CCDC13: variants seen among roughly 807,000 people sequenced by gnomAD.
CCDC13 encodes the protein coiled-coil domain-containing protein 13.
Under a neutral mutation model 87.3 loss-of-function variants are expected in CCDC13, and 70 were observed. The observed-to-expected ratio is 0.80, with a 90% CI of 0.66 to 0.98. CCDC13 has a LOEUF of 0.98. Among genes scored for constraint, CCDC13 ranks in the 50% least tolerant of loss-of-function variants. The probability of loss-of-function intolerance (pLI) is 0.00; values close to 1 mark genes in which losing one functional copy is unlikely to be tolerated. For synonymous variants in CCDC13, 317 were observed against 360.3 expected (o/e 0.88, Z 1.36); for missense variants, 842 against 892.0 (o/e 0.94, Z 0.71).
At chr3:42,753,197 CT>C (rs1240740486) in intron 3 of CCDC13, among the ~76,000 whole-genome samples, 9 of 152,198 alleles carry the variant, frequency 5.9e-5, no homozygotes, top group Non-Finnish European at 1.2e-4. Context: ...GTTAAATTCG[CT>C]GTGTTTGCTT....
At chr3:42,751,544 G>A (rs1699578842) in intron 5 of CCDC13, among the ~76,000 whole-genome samples, 1 of 152,230 alleles carries the variant, frequency 6.6e-6, no homozygotes, top group African/African-American at 2.4e-5. Context: ...GTAAGGTGGA[G>A]TCTGGATGTG....
intron 3 of CCDC13, among the ~76,000 whole-genome samples, chr3:42,755,933 CA>C (rs138377288): frequency 0.011 from 1,619 of 152,336 alleles, 26 homozygotes; most frequent in African/African-American, 0.036. Context: ...GCCCCTTCCA[CA>C]GCTGAATCTG....
intron 12 of CCDC13, among the ~76,000 whole-genome samples, chr3:42,731,244 T>A (rs1476185770): frequency 2.6e-5 from 4 of 151,586 alleles, no homozygotes; most frequent in African/African-American, 9.7e-5. Flanking sequence ...TGAGCTTACT[T>A]TTCTAGCAGT....
intron 1 of CCDC13, among the ~76,000 whole-genome samples, chr3:42,767,956 A>G (rs1699966651): frequency 1.3e-5 from 2 of 151,898 alleles, no homozygotes; most frequent in Non-Finnish European, 2.9e-5. Context: ...CCTGGCCAAC[A>G]GGAGCAAAAC....
At chr3:42,727,197 C>A (rs971000966) in intron 13 of CCDC13, among the ~76,000 whole-genome samples, 2 of 151,978 alleles carry the variant, frequency 1.3e-5, no homozygotes, top group African/African-American at 4.8e-5. Context: ...CATGGTGAAA[C>A]CCCATCTCTA....
chr3:42,739,362 T>A (rs574122800), intron 9 of CCDC13, among the ~76,000 whole-genome samples: 3 of 152,314 alleles, frequency 2.0e-5, no homozygotes, highest in East Asian at 3.9e-4. Context: ...CTTCCCCCAA[T>A]ACATTTCTGT....
At position 42,733,515 on chromosome 3, in the gene CCDC13, G is replaced by A. The variant is rs1698898089; in HGVS notation, c.1466C>T (p.Ser489Phe). ...AACATGATCGCCTGCTGAGGCCGGG[G>A]ACTTGGTCAGGCCTGGGTCCTCCAG... ...QFLEDPGLTKSPASAGDHVGR... is the reference protein window; with the variant it reads ...QFLEDPGLTKFPASAGDHVGR... The change falls in exon 11 of 16, where the codon TCC becomes TTC. Residue 489 changes from serine to phenylalanine, a missense_variant. Coordinates refer to ENST00000310232, the MANE Select transcript of CCDC13 (RefSeq NM_144719.4). The A allele has an allele frequency of 1.9e-6, 3 of 1,614,126 alleles. No homozygotes were observed. The highest frequency in any genetic ancestry group is 2.5e-6 in the Non-Finnish European group (3 of 1,180,024).
At chr3:42,765,568 G>A (rs757954300) in intron 1 of CCDC13, among the ~76,000 whole-genome samples, 2 of 152,170 alleles carry the variant, frequency 1.3e-5, no homozygotes, top group Admixed American at 6.5e-5. Flanking sequence ...ACTACGCCCA[G>A]CTAACATTTT....
At chr3:42,736,667 G>C (rs747879046) in intron 9 of CCDC13, among the ~76,000 whole-genome samples, 5 of 152,150 alleles carry the variant, frequency 3.3e-5, no homozygotes, top group Non-Finnish European at 4.4e-5. Flanking sequence ...GGCAGGCCTA[G>C]ATTTCTGGTC....
intron 1 of CCDC13, among the ~76,000 whole-genome samples, chr3:42,763,233 C>T (rs546357539): frequency 5.9e-5 from 9 of 152,292 alleles, no homozygotes; most frequent in East Asian, 1.9e-4. Flanking sequence ...GTGACTGGTA[C>T]AAGAGTAGAT....
chr3:42,735,218 G>A (rs1181657589), intron 10 of CCDC13, among the ~76,000 whole-genome samples: 1 of 152,178 alleles, frequency 6.6e-6, no homozygotes, highest in African/African-American at 2.4e-5. Flanking sequence ...CACGCTGCGC[G>A]TAGCCCTGGA....
rs556516635 is a variant in CCDC13 at position 42,739,179 on chromosome 3, T to A, written c.1164+455A>T. 7.2e-5 allele frequency among the ~76,000 whole-genome samples: 11 copies of A among 152,324 alleles called. No individual in the cohort carries two copies. In the South Asian group the frequency reaches 2.3e-3, roughly 32 times the overall value. ...ATGAATTTGAGTCTTAGTTTCCCCA[T>A]CTGTGAAGTGGGATTAAAATATATG... On this transcript the variant is annotated intron_variant, in intron 9 of 15. Transcript: ENST00000310232.
At chr3:42,727,747 C>A (rs1371794127) in intron 13 of CCDC13, among the ~76,000 whole-genome samples, 1 of 152,124 alleles carries the variant, frequency 6.6e-6, no homozygotes, top group Non-Finnish European at 1.5e-5. Flanking sequence ...AACCAACTAA[C>A]TTTAGATTGC....
intron 13 of CCDC13, among the ~76,000 whole-genome samples, chr3:42,716,259 G>T (rs1698428518): frequency 6.6e-6 from 1 of 151,774 alleles, no homozygotes. Context: ...AAAAAATCAG[G>T]TCAAGCCAGG....
intron 1 of CCDC13, among the ~76,000 whole-genome samples, chr3:42,762,794 A>C (rs951509175): frequency 7.2e-5 from 11 of 152,160 alleles, no homozygotes; most frequent in African/African-American, 2.4e-4. Context: ...GTTAAAAGAT[A>C]AACGTTAGGC....
At chr3:42,720,324 G>A (rs565029322) in intron 13 of CCDC13, among the ~76,000 whole-genome samples, 8 of 152,292 alleles carry the variant, frequency 5.3e-5, no homozygotes, top group Admixed American at 3.3e-4. Flanking sequence ...TAAATGCCTC[G>A]TAAAATGCCA....
At position 42,709,283 on chromosome 3, in the gene CCDC13, C is replaced by T. The variant is rs964002364; in HGVS notation, c.1989-144G>A. The T allele has an allele frequency of 2.9e-5, 23 of 795,038 alleles. No individual in the cohort carries two copies. The Middle Eastern group carries it at 1.4e-3, about 48-fold the overall frequency. The allele number at this position is 795,038 out of a possible 1,614,324, so 49.2% of individuals were successfully genotyped here. On this transcript the variant is annotated intron_variant, in intron 15 of 15. Coordinates refer to ENST00000310232, the MANE Select transcript of CCDC13 (RefSeq NM_144719.4). ...CTGACCCATCCCCTCCTCTCACTGA[C>T]TCTTGTGGGTACCATGGATTCCTCT...
At chr3:42,752,282 G>A (rs1699604342) in intron 4 of CCDC13, among the ~76,000 whole-genome samples, 1 of 152,010 alleles carries the variant, frequency 6.6e-6, no homozygotes, top group South Asian at 2.1e-4. Flanking sequence ...AATAATAATG[G>A]TACACTTATA....
Position 42,730,549 on chromosome 3 carries a change from C to T in CCDC13, c.1636G>A (p.Val546Met). 7 of 1,614,162 alleles carry T rather than the reference C, an allele frequency of 4.3e-6. No individual in the cohort carries two copies. Among genetic ancestry groups the T allele is most frequent in the Non-Finnish European group, 5.9e-6 (7 of 1,180,020 alleles). ...SPEQKGWQAQ[V>M]SEIKALWQAA... ...TGCCAGAGGGCCTTGATCTCTGACA[C>T]TTGTGCCTGCCAGCCTTTTTGTTCT... The change falls in exon 13 of 16, where the codon GTG becomes ATG. Residue 546 changes from valine to methionine, a missense_variant. By Grantham distance (21) the Val-to-Met change is conservative (BLOSUM62 1). Transcript: ENST00000310232.
Sources: allele counts gnomAD v4.1 joint callset (sites outside exome capture counted in the v4.1 genomes callset), GRCh38; gene constraint gnomAD v4.1.1; transcripts MANE v1.5; gene names NCBI Gene and HGNC (gene_info 2026-07-23, HGNC 2026-07-21).